TBC1D22B: variants seen among roughly 807,000 people sequenced by gnomAD.
TBC1D22B encodes TBC1 domain family member 22B, also known as chromosome 6 open reading frame 197.
A neutral mutation model predicts 69.1 loss-of-function variants in TBC1D22B; 32 were observed. That is an observed-to-expected ratio of 0.46 (90% CI 0.35 to 0.62). The LOEUF (loss-of-function observed/expected upper bound fraction) is 0.62, where lower values mean the gene tolerates loss of function less well. Among genes scored for constraint, TBC1D22B ranks in the 20% least tolerant of loss-of-function variants. TBC1D22B has a pLI of 0.00. For missense variants in TBC1D22B, 462 were observed against 630.9 expected, an observed-to-expected ratio of 0.73 and a Z score of 2.87; for synonymous variants, 206 against 229.8, an observed-to-expected ratio of 0.90 and a Z score of 0.94.
At chr6:37,293,430 G>A (rs550465183) in intron 8 of TBC1D22B, among the ~76,000 whole-genome samples, 1 of 152,166 alleles carries the variant, frequency 6.6e-6, no homozygotes, top group East Asian at 1.9e-4. Context: ...AGCAAACTTT[G>A]ATGTTACTAT....
chr6:37,265,085 G>C (rs1043866493), intron 1 of TBC1D22B, among the ~76,000 whole-genome samples: 1 of 152,156 alleles, frequency 6.6e-6, no homozygotes, highest in African/African-American at 2.4e-5. Flanking sequence ...TATACAAAGT[G>C]TTCCAGTTTT....
At chr6:37,311,650 G>A (rs1434266954) in intron 8 of TBC1D22B, among the ~76,000 whole-genome samples, 8 of 152,080 alleles carry the variant, frequency 5.3e-5, no homozygotes, top group Admixed American at 5.2e-4. Flanking sequence ...TCCAGCCTGG[G>A]CGTCAGAGTG....
rs141717356 is a variant in TBC1D22B at position 37,271,421 on chromosome 6, CTT to C, written c.113+1773_113+1774del. On this transcript the variant is annotated intron_variant, in intron 2 of 12. Coordinates refer to ENST00000373491, the MANE Select transcript of TBC1D22B (RefSeq NM_017772.4). ...AGTGAACCCTAACTCAAACTACTGA[CTT>C]TGAGTGATTATAATGTATTAGTGTA... 2.0e-3 allele frequency among the ~76,000 whole-genome samples: 301 copies of C among 152,306 alleles called. 1 individual carries two copies. Among genetic ancestry groups the C allele is most frequent in the Non-Finnish European group, 3.5e-3 (241 of 68,030 alleles).
chr6:37,327,306 G>A (rs188484554), intron 12 of TBC1D22B, among the ~76,000 whole-genome samples: 2,579 of 129,508 alleles, frequency 0.02, 292 homozygotes, highest in Middle Eastern at 0.045. Flanking sequence ...GTGAAACCCC[G>A]TCTCTACTAA....
At chr6:37,272,191 AG>A (rs1242855803) in intron 2 of TBC1D22B, among the ~76,000 whole-genome samples, 1 of 151,772 alleles carries the variant, frequency 6.6e-6, no homozygotes, top group Non-Finnish European at 1.5e-5. Context: ...CAGCCTCCTT[AG>A]TAGCTGGGAC....
Position 37,287,072 on chromosome 6 carries a change from G to A in TBC1D22B, c.867G>A (p.Glu289=). ...IPLFQQPLVQ[E]IFERILFIWA... ...TGTTCCAGCAACCACTTGTACAGGAGGTGAGGGAATTACTTAATGTTCTTT... is the reference window on the plus strand; with the variant it reads ...TGTTCCAGCAACCACTTGTACAGGAAGTGAGGGAATTACTTAATGTTCTTT... The change falls in exon 7 of 13, where the codon GAG becomes GAA. Residue 289 remains glutamate, a splice_region_variant and synonymous_variant. Transcript: ENST00000373491. 6.3e-7 allele frequency: 1 copy of A among 1,597,400 alleles called. No individual in the cohort carries two copies. The highest frequency in any genetic ancestry group is 8.5e-7 in the Non-Finnish European group (1 of 1,173,994).
rs778371086 is a variant in TBC1D22B at position 37,313,801 on chromosome 6, C to T, written c.1090-15C>T. Reference sequence around the variant, plus strand: ...TTAGAGTCCATGTTCATCCTGGGCTCTGTGTCATTTGCAGGATAACTACAC... The same window carrying T: ...TTAGAGTCCATGTTCATCCTGGGCTTTGTGTCATTTGCAGGATAACTACAC... On this transcript the variant is annotated splice_polypyrimidine_tract_variant and intron_variant, in intron 9 of 12. Transcript: ENST00000373491. 1.2e-6 allele frequency: 2 copies of T among 1,613,538 alleles called. No individual in the cohort carries two copies. The highest frequency in any genetic ancestry group is 1.6e-4 in the Middle Eastern group (1 of 6,062).
chr6:37,295,970 A>G (rs1272927577), intron 8 of TBC1D22B, among the ~76,000 whole-genome samples: 1 of 152,262 alleles, frequency 6.6e-6, no homozygotes, highest in African/African-American at 2.4e-5. Context: ...TGTCACAGCC[A>G]GCCCAGCCTT....
At chr6:37,288,784 T>C (rs1733362434) in intron 7 of TBC1D22B, among the ~76,000 whole-genome samples, 1 of 152,056 alleles carries the variant, frequency 6.6e-6, no homozygotes, top group South Asian at 2.1e-4. Flanking sequence ...TGGCTTCTTT[T>C]AGTAGTGCAT....
intron 2 of TBC1D22B, among the ~76,000 whole-genome samples, chr6:37,274,887 A>G (rs1229999789): frequency 2.0e-5 from 3 of 152,176 alleles, no homozygotes; most frequent in African/African-American, 7.2e-5. Flanking sequence ...CCCTGTCTCT[A>G]CTAAAAATAC....
intron 1 of TBC1D22B, among the ~76,000 whole-genome samples, chr6:37,266,806 A>T (rs974617362): frequency 3.9e-5 from 6 of 152,110 alleles, no homozygotes; most frequent in African/African-American, 1.4e-4. Flanking sequence ...TAATTTATTT[A>T]ACTACTTTCC....
At chr6:37,288,713 G>A (rs1204770051) in intron 7 of TBC1D22B, among the ~76,000 whole-genome samples, 1 of 149,306 alleles carries the variant, frequency 6.7e-6, no homozygotes, top group African/African-American at 2.5e-5. Flanking sequence ...CTGCACTCCA[G>A]CCTGGGTGAC....
intron 2 of TBC1D22B, among the ~76,000 whole-genome samples, chr6:37,278,800 G>A (rs1022046316): frequency 1.3e-5 from 2 of 152,054 alleles, no homozygotes; most frequent in African/African-American, 2.4e-5. Flanking sequence ...AGGCATCGTG[G>A]TGTACACCTG....
intron 2 of TBC1D22B, among the ~76,000 whole-genome samples, chr6:37,277,058 G>A (rs1766692083): frequency 6.6e-6 from 1 of 152,056 alleles, no homozygotes; most frequent in African/African-American, 2.4e-5. Context: ...AGCCTGGCCC[G>A]TCTCTCCCTG....
intron 5 of TBC1D22B, 147 bp from the exon 6 acceptor site, chr6:37,284,189 A>G: frequency 8.1e-7 from 1 of 1,239,962 alleles, no homozygotes; most frequent in Admixed American, 2.0e-5. Context: ...GGAGAGGGCA[A>G]AAAATGGGTG....
At chr6:37,300,840 CTT>C (rs965855841) in intron 8 of TBC1D22B, among the ~76,000 whole-genome samples, 2 of 152,164 alleles carry the variant, frequency 1.3e-5, no homozygotes, top group Non-Finnish European at 2.9e-5. Context: ...GGTCTACCCT[CTT>C]AACAAATTTT....
chr6:37,279,129 C>T (rs1766749022), intron 2 of TBC1D22B, among the ~76,000 whole-genome samples, 175 bp from the exon 3 acceptor site: 1 of 152,212 alleles, frequency 6.6e-6, no homozygotes. Context: ...TCTCTGCGAT[C>T]TCAGGCTGGT....
intron 8 of TBC1D22B, among the ~76,000 whole-genome samples, chr6:37,309,888 A>T (rs1466705482): frequency 6.6e-6 from 1 of 151,544 alleles, no homozygotes; most frequent in Non-Finnish European, 1.5e-5. Context: ...TCAAAGGAAG[A>T]TCCTAAGCCG....
intron 1 of TBC1D22B, 33 bp from the exon 2 acceptor site, chr6:37,269,561 C>T (rs761407320): frequency 2.5e-6 from 4 of 1,611,238 alleles, no homozygotes; most frequent in Admixed American, 3.3e-5. Flanking sequence ...CCTAACTAAA[C>T]TAACTATTTC....
Sources: allele counts gnomAD v4.1 joint callset (sites outside exome capture counted in the v4.1 genomes callset), GRCh38; gene constraint gnomAD v4.1.1; transcripts MANE v1.5; gene names NCBI Gene and HGNC (gene_info 2026-07-23, HGNC 2026-07-21).